ACACB: variants seen among roughly 807,000 people sequenced by gnomAD.
The protein encoded by ACACB is acetyl-CoA carboxylase beta.
In ACACB, 209 loss-of-function variants were observed where a neutral mutation model predicts 278.8. The observed-to-expected ratio is 0.75, with a 90% CI of 0.67 to 0.84. ACACB has a LOEUF of 0.84. Ranked by LOEUF, ACACB falls within the 40% of genes least tolerant of loss-of-function variation. ACACB has a pLI of 0.00. For synonymous variants in ACACB, 1,174 were observed against 1,285.6 expected (o/e 0.91, Z 1.86); for missense variants, 2,850 against 3,269.0 (o/e 0.87, Z 3.13).
At chr12:109,166,494 A>G (rs1320865742) in intron 2 of ACACB, among the ~76,000 whole-genome samples, 1 of 151,712 alleles carries the variant, frequency 6.6e-6, no homozygotes, top group East Asian at 1.9e-4. Context: ...GAGCCTGGGC[A>G]ACATAGTGAG....
chr12:109,139,253 C>T (rs922401906), intron 1 of ACACB, 144 bp from the exon 2 acceptor site: 4 of 730,986 alleles, frequency 5.5e-6, no homozygotes, highest in African/African-American at 1.8e-5. Flanking sequence ...TCAGGCAGAG[C>T]AGGGAGGAGA....
intron 1 of ACACB, among the ~76,000 whole-genome samples, chr12:109,128,923 C>T (rs2042752381): frequency 6.6e-6 from 1 of 151,890 alleles, no homozygotes; most frequent in Non-Finnish European, 1.5e-5. Context: ...TAGGCATGAG[C>T]CACTGTGTCT....
At chr12:109,192,367 G>A (rs181183820) in intron 15 of ACACB, among the ~76,000 whole-genome samples, 17 of 152,278 alleles carry the variant, frequency 1.1e-4, no homozygotes, top group Admixed American at 3.9e-4. Flanking sequence ...GCAACCAGGC[G>A]ATCTCTGTTA....
intron 4 of ACACB, among the ~76,000 whole-genome samples, chr12:109,171,505 A>G (rs958564633): frequency 6.6e-6 from 1 of 152,100 alleles, no homozygotes; most frequent in African/African-American, 2.4e-5. Context: ...GCCCACCACC[A>G]CGCCTGGCTA....
chr12:109,265,239 A>C lies in ACACB; in HGVS notation c.7072A>C (p.Met2358Leu). The C allele has an allele frequency of 6.2e-7, 1 of 1,613,552 alleles. No individual in the cohort carries two copies. The highest frequency in any genetic ancestry group is 8.5e-7 in the Non-Finnish European group (1 of 1,180,008). Residue 2358 changes from methionine (M) to leucine (L), a missense_variant, in exon 51 of 53, where the codon ATG (methionine) becomes CTG (leucine). This residue lies in a region of ACACB where 579 missense variants were observed against 684.6 expected (regional missense o/e 0.85). Coordinates refer to ENST00000338432, the MANE Select transcript of ACACB (RefSeq NM_001093.4). ...GCTGAGTCACGTGCATATCCAGTCC[A>C]TGCTGCGTCGCTGGTTCGTGGAGAC... ...GELSHVHIQS[M>L]LRRWFVETEG...
chr12:109,194,475 G>T (rs2268394), intron 16 of ACACB, among the ~76,000 whole-genome samples: 51,403 of 130,004 alleles, frequency 0.4, 11,059 homozygotes, highest in Middle Eastern at 0.64. Flanking sequence ...GGGATTACAG[G>T]CATGAGCCAC....
At chr12:109,252,677 C>T (rs2047127781) in intron 42 of ACACB, 1 of 193,670 alleles carries the variant, frequency 5.2e-6, no homozygotes, top group South Asian at 1.8e-4. Context: ...GTCAGAAATG[C>T]ACATCCTCAA....
At position 109,266,420 on chromosome 12, in the gene ACACB, AC is replaced by A; in HGVS notation, c.*61del. ...GCAAAAGGAACCACCCAGACCCACCACCCGTACACCCTCAGCAGACCCTGAA... is the reference window on the plus strand; with the variant it reads ...GCAAAAGGAACCACCCAGACCCACCACCGTACACCCTCAGCAGACCCTGAA... On this transcript the variant is annotated 3_prime_UTR_variant, in exon 53 of 53. Transcript: ENST00000338432. The A allele has an allele frequency of 6.6e-7, 1 of 1,512,646 alleles. No homozygotes were observed. Among genetic ancestry groups the A allele is most frequent in the Admixed American group, 2.1e-5 (1 of 48,142 alleles). 93.7% of individuals were successfully genotyped at this position (1,512,646 alleles called of 1,614,324 possible).
rs566589314 is a variant in ACACB, at chr12:109,242,492, A to G, written c.5078A>G (p.Asn1693Ser). The G allele has an allele frequency of 1.2e-6, 2 of 1,614,116 alleles. No individual in the cohort carries two copies. Among genetic ancestry groups the G allele is most frequent in the East Asian group, 2.2e-5 (1 of 44,880 alleles). ...GGGCCCCAGCACGGGATGCTGATCAATACTCCCTACGTCACCAAGGATCTG... is the reference window on the plus strand; with the variant it reads ...GGGCCCCAGCACGGGATGCTGATCAGTACTCCCTACGTCACCAAGGATCTG... ...KQGPQHGMLI[N>S]TPYVTKDLLQ... Residue 1693 changes from asparagine (N) to serine (S), a missense_variant, in exon 37 of 53, where the codon AAT becomes AGT. Physicochemically the swap from Asn to Ser is conservative, Grantham distance 46 (BLOSUM62 1). Around this residue, in one of 3 missense-constraint regions of ACACB, gnomAD observed 2,265 missense variants for 2,561.3 expected, o/e 0.88. Coordinates refer to ENST00000338432, the MANE Select transcript of ACACB (RefSeq NM_001093.4).
chr12:109,197,226 A>T, intron 17 of ACACB, 73 bp downstream of exon 17: 1 of 1,537,528 alleles, frequency 6.5e-7, no homozygotes, highest in Non-Finnish European at 8.7e-7. Flanking sequence ...AAAACACAGC[A>T]CTGGCCTGTG....
chr12:109,252,322 G>GAA (rs112165408), intron 42 of ACACB, 166 bp downstream of exon 42: 5 of 446,488 alleles, frequency 1.1e-5, no homozygotes, highest in African/African-American at 6.2e-5. Flanking sequence ...GTCCTTATGA[G>GAA]AAAAAAAAAA....
chr12:109,206,679 C>A (rs777888241), intron 19 of ACACB, 31 bp from the exon 20 acceptor site: 27 of 1,611,716 alleles, frequency 1.7e-5, no homozygotes, highest in Non-Finnish European at 2.3e-5. Context: ...CAGAGTTTTC[C>A]TGACCTGTCG....
At chr12:109,242,295 G>T in intron 36 of ACACB, 142 bp from the exon 37 acceptor site, 1 of 884,500 alleles carries the variant, frequency 1.1e-6, no homozygotes, top group South Asian at 1.8e-5. Context: ...GGAGTTTTAC[G>T]TAGCCCAGGC....
At chr12:109,253,254 T>C in intron 43 of ACACB, 96 bp downstream of exon 43, 2 of 1,335,060 alleles carry the variant, frequency 1.5e-6, no homozygotes, top group Non-Finnish European at 2.0e-6. Context: ...TGTGGGAGGC[T>C]GAGGAGCAGG....
chr12:109,201,363 G>C (rs954949879), intron 18 of ACACB, among the ~76,000 whole-genome samples: 3 of 152,178 alleles, frequency 2.0e-5, no homozygotes, highest in African/African-American at 7.2e-5. Flanking sequence ...TTTGCAGATT[G>C]AATGGCACTT....
At chr12:109,243,726 A>G (rs1336439056) in intron 37 of ACACB, among the ~76,000 whole-genome samples, 1 of 152,306 alleles carries the variant, frequency 6.6e-6, no homozygotes, top group East Asian at 1.9e-4. Flanking sequence ...TTTTCCCACC[A>G]TCAATGCCTG....
intron 33 of ACACB, 108 bp from the exon 34 acceptor site, chr12:109,237,057 C>A: frequency 9.0e-7 from 1 of 1,110,920 alleles, no homozygotes; most frequent in South Asian, 1.3e-5. Context: ...GTGCCAAACC[C>A]ATGGACACCA....
In ACACB at chr12:109,233,850, A is replaced by G. The variant is rs1461289954; in HGVS notation, c.4239+3A>G. ...TATACTCCGAGGATGACTGCAAGGT[A>G]AGCGTCTAAGCCCAGGGAGCAACCT... On this transcript the variant is annotated splice_donor_region_variant and intron_variant, in intron 30 of 52. Transcript: ENST00000338432. 6.2e-7 allele frequency: 1 copy of G among 1,614,146 alleles called. No individual in the cohort carries two copies. The highest frequency in any genetic ancestry group is 1.7e-5 in the Admixed American group (1 of 60,026).
intron 2 of ACACB, among the ~76,000 whole-genome samples, chr12:109,148,521 T>C (rs936595380): frequency 6.6e-6 from 1 of 152,198 alleles, no homozygotes; most frequent in Admixed American, 6.6e-5. Context: ...CATAAATTAG[T>C]GGTGAACTCA....
Sources: allele counts gnomAD v4.1 joint callset (sites outside exome capture counted in the v4.1 genomes callset), GRCh38; gene constraint gnomAD v4.1.1; regional missense constraint gnomAD v4.1.1; transcripts MANE v1.5; gene names NCBI Gene and HGNC (gene_info 2026-07-23, HGNC 2026-07-21).